The following ITFG1 variants were observed in gnomAD, a reference collection of about 807,000 sequenced individuals.
ITFG1 encodes T-cell immunomodulatory protein.
ITFG1 carries 34 observed loss-of-function variants against 81.8 expected under a neutral mutation model. The observed-to-expected ratio is 0.42, with a 90% CI of 0.32 to 0.55. The LOEUF is 0.55. ITFG1 is among the 20% of genes least tolerant of loss of function. The probability of loss-of-function intolerance (pLI) is 0.17; values close to 1 mark genes in which losing one functional copy is unlikely to be tolerated. For missense variants in ITFG1, 672 were observed against 755.4 expected (o/e 0.89, Z 1.29); for synonymous variants, 285 against 270.6 (o/e 1.05, Z -0.52).
chr16:47,332,735 C>T (rs1251644075), intron 8 of ITFG1, among the ~76,000 whole-genome samples: 1 of 152,152 alleles, frequency 6.6e-6, no homozygotes, highest in Non-Finnish European at 1.5e-5. Context: ...AGACTTGACT[C>T]CAGTCATGGG....
chr16:47,266,196 A>C (rs1966272993), intron 10 of ITFG1, among the ~76,000 whole-genome samples: 1 of 152,082 alleles, frequency 6.6e-6, no homozygotes, highest in Non-Finnish European at 1.5e-5. Flanking sequence ...CATCCAGTAC[A>C]ACAGGTAAAA....
intron 8 of ITFG1, among the ~76,000 whole-genome samples, chr16:47,355,059 T>G (rs1968019696): frequency 6.6e-6 from 1 of 152,040 alleles, no homozygotes; most frequent in African/African-American, 2.4e-5. Flanking sequence ...CTAAAGGAAA[T>G]GAAATCAGTA....
intron 12 of ITFG1, among the ~76,000 whole-genome samples, chr16:47,243,705 A>T (rs929439455): frequency 2.6e-5 from 4 of 152,196 alleles, no homozygotes; most frequent in Non-Finnish European, 1.5e-5. Context: ...TAAGGTAAAA[A>T]AACCAAGATG....
intron 10 of ITFG1, among the ~76,000 whole-genome samples, chr16:47,285,085 T>C (rs748229150): frequency 1.3e-5 from 2 of 152,240 alleles, no homozygotes; most frequent in Non-Finnish European, 2.9e-5. Context: ...TTACAGTCTT[T>C]TGTTGTAATG....
intron 6 of ITFG1, among the ~76,000 whole-genome samples, chr16:47,422,942 G>T (rs933227936): frequency 6.6e-6 from 1 of 152,138 alleles, no homozygotes; most frequent in African/African-American, 2.4e-5. Flanking sequence ...TATTAGGTCC[G>T]CTTGGTCCAG....
intron 14 of ITFG1, among the ~76,000 whole-genome samples, chr16:47,169,984 ATTGATTGAC>A (rs1257650915): frequency 3.9e-5 from 6 of 152,336 alleles, no homozygotes; most frequent in East Asian, 3.9e-4. Context: ...CATGTATTAC[ATTGATTGAC>A]TGTCTTAAGT....
intron 6 of ITFG1, among the ~76,000 whole-genome samples, chr16:47,426,798 T>G (rs1234449624): frequency 6.6e-6 from 1 of 152,156 alleles, no homozygotes; most frequent in East Asian, 1.9e-4. Flanking sequence ...AATTATGCAA[T>G]ATTATTTTCT....
intron 14 of ITFG1, among the ~76,000 whole-genome samples, chr16:47,187,740 A>G (rs1397392672): frequency 6.6e-6 from 1 of 152,000 alleles, no homozygotes; most frequent in African/African-American, 2.4e-5. Flanking sequence ...AGCAATGGCA[A>G]CAAAAGCCAA....
intron 10 of ITFG1, among the ~76,000 whole-genome samples, chr16:47,293,134 TAATA>T (rs1297009896): frequency 1.4e-5 from 2 of 147,096 alleles, no homozygotes; most frequent in South Asian, 2.1e-4. Flanking sequence ...GCATGATATA[TAATA>T]TATATCATAT....
At chr16:47,291,433 T>C (rs1016776446) in intron 10 of ITFG1, among the ~76,000 whole-genome samples, 1 of 152,196 alleles carries the variant, frequency 6.6e-6, no homozygotes, top group African/African-American at 2.4e-5. Flanking sequence ...CCATTTGCAG[T>C]TGATTCTCTT....
intron 5 of ITFG1, among the ~76,000 whole-genome samples, chr16:47,445,569 C>T (rs1969314733): frequency 6.6e-6 from 1 of 152,158 alleles, no homozygotes; most frequent in South Asian, 2.1e-4. Flanking sequence ...CACATTATTT[C>T]CCATCTCACA....
chr16:47,296,987 T>A (rs1220387154), intron 10 of ITFG1, among the ~76,000 whole-genome samples: 1 of 152,212 alleles, frequency 6.6e-6, no homozygotes, highest in Non-Finnish European at 1.5e-5. Flanking sequence ...GGTTTTTCTG[T>A]CTCAGTGTTC....
intron 10 of ITFG1, among the ~76,000 whole-genome samples, chr16:47,273,397 G>GT (rs1966364004): frequency 6.6e-6 from 1 of 152,116 alleles, no homozygotes; most frequent in Non-Finnish European, 1.5e-5. Context: ...CCTACTATCG[G>GT]TAAGTGCAGA....
At chr16:47,309,431 C>T (rs1231734088) in intron 10 of ITFG1, among the ~76,000 whole-genome samples, 1 of 152,156 alleles carries the variant, frequency 6.6e-6, no homozygotes, top group African/African-American at 2.4e-5. Flanking sequence ...TAGGAAATCA[C>T]AATCTGTCTT....
Position 47,453,989 on chromosome 16 carries a change from T to TA in ITFG1, c.427+23dup, listed in dbSNP as rs756852978. 12 of 1,462,854 alleles carry TA rather than the reference T, an allele frequency of 8.2e-6. No homozygotes were observed. In the African/African-American group the frequency reaches 1.7e-4, roughly 21 times the overall value. 90.6% of individuals were successfully genotyped at this position (1,462,854 alleles called of 1,614,324 possible). Reference sequence around the variant, plus strand: ...TACCTTCATATTCAATGATAAATATTAAAAATTTTTAAAACAAATTCACCT... The same window carrying TA: ...TACCTTCATATTCAATGATAAATATTAAAAAATTTTTAAAACAAATTCACCT... On this transcript the variant is annotated intron_variant, in intron 3 of 17. Transcript: ENST00000320640.
intron 6 of ITFG1, among the ~76,000 whole-genome samples, chr16:47,399,356 A>G (rs1035372829): frequency 5.3e-5 from 8 of 152,086 alleles, no homozygotes; most frequent in Non-Finnish European, 1.0e-4. Context: ...GGCAGATCAT[A>G]AGGTCAGGAG....
rs1473447281 is a variant in ITFG1 at position 47,446,740 on chromosome 16, A to C, written c.560+4656T>G. ...AAATGCAACTAGAATCTAATGAAAGAGGACTTAATCTATATTTTCAGAAAT... is the reference window on the plus strand; with the variant it reads ...AAATGCAACTAGAATCTAATGAAAGCGGACTTAATCTATATTTTCAGAAAT... On this transcript the variant is annotated intron_variant, in intron 5 of 17. Transcript: ENST00000320640. Among the ~76,000 whole-genome samples, 4 of 152,212 alleles carry C rather than the reference A, an allele frequency of 2.6e-5. No individual in the cohort carries two copies. In the East Asian group the frequency reaches 7.7e-4, roughly 29 times the overall value.
intron 6 of ITFG1, among the ~76,000 whole-genome samples, chr16:47,379,172 A>T (rs1968363741): frequency 6.6e-6 from 1 of 151,956 alleles, no homozygotes; most frequent in Admixed American, 6.6e-5. Flanking sequence ...ACTCAGGACA[A>T]CTCTACAGGG....
chr16:47,224,680 A>C (rs1965736675), intron 13 of ITFG1, among the ~76,000 whole-genome samples: 1 of 152,220 alleles, frequency 6.6e-6, no homozygotes, highest in Non-Finnish European at 1.5e-5. Context: ...ACATGCAAAG[A>C]AACAGTATGG....
Sources: allele counts gnomAD v4.1 joint callset (sites outside exome capture counted in the v4.1 genomes callset), GRCh38; gene constraint gnomAD v4.1.1; transcripts MANE v1.5; gene names NCBI Gene and HGNC (gene_info 2026-07-23, HGNC 2026-07-21).